Variants in CNTN4 observed in about 807,000 individuals in gnomAD.
CNTN4 encodes the protein contactin 4.
In CNTN4, 77 loss-of-function variants were observed where a neutral mutation model predicts 122.5. That is an observed-to-expected ratio of 0.63 (90% CI 0.52 to 0.76). The LOEUF (loss-of-function observed/expected upper bound fraction) is 0.76, where lower values mean the gene tolerates loss of function less well. Ranked by LOEUF, CNTN4 falls within the 30% of genes least tolerant of loss-of-function variation. The pLI is 0.00. For synonymous variants in CNTN4, 512 were observed against 447.0 expected (o/e 1.15, Z -1.83); for missense variants, 1,256 against 1,259.1 (o/e 1.00, Z 0.04).
At chr3:2,273,992 A>C (rs1213879124) in intron 2 of CNTN4, among the ~76,000 whole-genome samples, 2 of 152,196 alleles carry the variant, frequency 1.3e-5, no homozygotes, top group East Asian at 3.8e-4. Context: ...CATTTGAGAG[A>C]AAACAACCCA....
intron 4 of CNTN4, among the ~76,000 whole-genome samples, chr3:2,605,154 A>G (rs560105524): frequency 2.0e-5 from 3 of 152,298 alleles, no homozygotes; most frequent in African/African-American, 7.2e-5. Flanking sequence ...CCAGGCATGC[A>G]CACCATGCCT....
At chr3:2,338,173 T>C (rs565517289) in intron 2 of CNTN4, among the ~76,000 whole-genome samples, 2 of 152,210 alleles carry the variant, frequency 1.3e-5, no homozygotes, top group African/African-American at 4.8e-5. Flanking sequence ...CATTTCTGAA[T>C]ATATTAGCAA....
intron 4 of CNTN4, among the ~76,000 whole-genome samples, chr3:2,639,830 G>C (rs890734337): frequency 2.6e-5 from 4 of 152,170 alleles, no homozygotes; most frequent in African/African-American, 9.7e-5. Context: ...TACAGATAAA[G>C]CCAAATGATT....
At position 2,655,086 on chromosome 3, in the gene CNTN4, T is replaced by C. The variant is rs2083526494; in HGVS notation, c.56-81129T>C. Among the ~76,000 whole-genome samples the C allele has an allele frequency of 2.6e-5, 4 of 152,288 alleles. No homozygotes were observed. The South Asian group carries it at 8.3e-4, about 32-fold the overall frequency. On this transcript the variant is annotated intron_variant, in intron 4 of 24. Coordinates refer to ENST00000418658, the MANE Select transcript of CNTN4 (RefSeq NM_175607.3). ...GGTGCAGCCACGTAGAGTCACTTAT[T>C]CTCTGAAGGGTCCCACCCTATAAGT...
chr3:2,369,076 A>G (rs1361357989), intron 3 of CNTN4, among the ~76,000 whole-genome samples: 1 of 152,084 alleles, frequency 6.6e-6, no homozygotes, highest in East Asian at 1.9e-4. Context: ...GGCACCTGCC[A>G]CCATGCCCGG....
intron 2 of CNTN4, among the ~76,000 whole-genome samples, chr3:2,243,796 G>T (rs1007386090): frequency 6.6e-6 from 1 of 152,014 alleles, no homozygotes; most frequent in Admixed American, 6.6e-5. Context: ...AGAGGTCATT[G>T]TTCAGACTCG....
chr3:2,686,430 C>A (rs1322378767), intron 4 of CNTN4, among the ~76,000 whole-genome samples: 1 of 152,154 alleles, frequency 6.6e-6, no homozygotes, highest in Non-Finnish European at 1.5e-5. Flanking sequence ...CCATCTCCTC[C>A]AGGATATAGT....
intron 4 of CNTN4, among the ~76,000 whole-genome samples, chr3:2,657,958 G>A (rs962408680): frequency 6.6e-6 from 1 of 150,644 alleles, no homozygotes; most frequent in Admixed American, 6.7e-5. Context: ...AATGTATCAG[G>A]TGGTAACTGA....
chr3:2,103,730 A>G (rs1319003327), intron 2 of CNTN4, among the ~76,000 whole-genome samples: 1 of 151,948 alleles, frequency 6.6e-6, no homozygotes, highest in Non-Finnish European at 1.5e-5. Context: ...TTATCTATTT[A>G]TTTATCTTTA....
intron 4 of CNTN4, among the ~76,000 whole-genome samples, chr3:2,646,682 T>G (rs1316539147): frequency 6.6e-6 from 1 of 152,192 alleles, no homozygotes; most frequent in Non-Finnish European, 1.5e-5. Context: ...CAGGAATTAA[T>G]TTTTTCATAG....
intron 4 of CNTN4, among the ~76,000 whole-genome samples, chr3:2,727,766 G>C (rs1406100899): frequency 6.6e-6 from 1 of 152,204 alleles, no homozygotes; most frequent in Non-Finnish European, 1.5e-5. Flanking sequence ...GAAATCGTCT[G>C]AGAAGAGTTC....
intron 6 of CNTN4, among the ~76,000 whole-genome samples, chr3:2,818,329 G>T (rs907738617): frequency 6.6e-6 from 1 of 152,190 alleles, no homozygotes; most frequent in Non-Finnish European, 1.5e-5. Flanking sequence ...CTAAGCCTGA[G>T]TGTAGAAACA....
chr3:2,774,130 T>C (rs1365637313), intron 6 of CNTN4, among the ~76,000 whole-genome samples: 1 of 151,902 alleles, frequency 6.6e-6, no homozygotes, highest in East Asian at 1.9e-4. Flanking sequence ...GTGCAGTGGC[T>C]CACACCTGTA....
chr3:2,928,267 T>G (rs1484085120), intron 13 of CNTN4, among the ~76,000 whole-genome samples: 1 of 152,224 alleles, frequency 6.6e-6, no homozygotes, highest in Non-Finnish European at 1.5e-5. Flanking sequence ...TTTTAACTTC[T>G]GAGAACATGA....
intron 2 of CNTN4, among the ~76,000 whole-genome samples, chr3:2,201,151 C>G (rs184899234): frequency 6.6e-6 from 1 of 152,230 alleles, no homozygotes; most frequent in East Asian, 1.9e-4. Flanking sequence ...ACACTCTACA[C>G]TAAGCTCTTG....
intron 6 of CNTN4, among the ~76,000 whole-genome samples, chr3:2,808,439 G>T (rs569995113): frequency 6.6e-6 from 1 of 152,048 alleles, no homozygotes; most frequent in African/African-American, 2.4e-5. Flanking sequence ...AGAAAAAAAG[G>T]CTATAAAGTA....
chr3:2,709,917 A>G lies in CNTN4; in HGVS notation c.56-26298A>G, dbSNP rs80045523. Reference sequence around the variant, plus strand: ...CCTGTCTCAAACATATAAATACAAAAAAAAAATAAGAATAAACTCCAAAGA... The same window carrying G: ...CCTGTCTCAAACATATAAATACAAAGAAAAAATAAGAATAAACTCCAAAGA... On this transcript the variant is annotated intron_variant, in intron 4 of 24. Coordinates refer to ENST00000418658, the MANE Select transcript of CNTN4 (RefSeq NM_175607.3). The surrounding 1 kb of genome is among the most constrained non-coding windows in gnomAD (Gnocchi z 5.0). 1.1e-3 allele frequency among the ~76,000 whole-genome samples: 175 copies of G among 152,236 alleles called. No homozygotes were observed. The highest frequency in any genetic ancestry group is 4.1e-3 in the African/African-American group (171 of 41,564).
chr3:2,284,492 G>A (rs2041835138), intron 2 of CNTN4, among the ~76,000 whole-genome samples: 2 of 151,970 alleles, frequency 1.3e-5, no homozygotes, highest in Admixed American at 6.6e-5. Context: ...TTTTTGAAAT[G>A]AATCTTATTT....
At chr3:2,565,760 G>A (rs1177355837) in intron 3 of CNTN4, among the ~76,000 whole-genome samples, 1 of 152,106 alleles carries the variant, frequency 6.6e-6, no homozygotes, top group Admixed American at 6.6e-5. Flanking sequence ...TTCTGAGGAA[G>A]CCTATTTAAT....
Sources: gnomAD v4.1 joint callset for allele counts (sites outside exome capture counted in the v4.1 genomes callset) on GRCh38, gnomAD v4.1.1 for gene constraint, Gnocchi (gnomAD v3.1) non-coding constraint, MANE v1.5 for transcripts, NCBI Gene and HGNC (gene_info 2026-07-23, HGNC 2026-07-21) for gene names.